The following DRG1 variants were observed in gnomAD, a reference collection of about 807,000 sequenced individuals.
DRG1 encodes the protein developmentally-regulated GTP-binding protein 1.
Under a neutral mutation model 38.8 loss-of-function variants are expected in DRG1, and 19 were observed. The ratio of observed to expected loss-of-function variants is 0.49; its 90% CI spans 0.34 to 0.72. DRG1 has a LOEUF of 0.72. DRG1 is among the 30% of genes least tolerant of loss of function. The pLI is 0.01. For synonymous variants in DRG1, 167 were observed against 157.5 expected (o/e 1.06, Z -0.45); for missense variants, 299 against 444.8 (o/e 0.67, Z 2.95).
chr22:31,403,186 C>T lies in DRG1; in HGVS notation c.324C>T (p.Tyr108=). The change falls in exon 3 of 9, where the codon TAC becomes TAT. Residue 108 remains tyrosine (Y), a synonymous_variant. Coordinates refer to ENST00000331457, the MANE Select transcript of DRG1 (RefSeq NM_004147.4). The part of the protein sequence containing the change: ...TLTTVPGVIR[Y]KGAKIQLLDL... ...CCACTGTGCCTGGTGTCATCAGATA[C>T]AAAGGTGCCAAGATCCAGGTGAGTC... The T allele has an allele frequency of 1.2e-6, 2 of 1,610,166 alleles. No homozygotes were observed. The highest frequency in any genetic ancestry group is 1.7e-6 in the Non-Finnish European group (2 of 1,178,586).
intron 7 of DRG1, 78 bp downstream of exon 7, chr22:31,426,860 T>G (rs2050114107): frequency 6.5e-7 from 1 of 1,540,480 alleles, no homozygotes; most frequent in African/African-American, 1.4e-5. Context: ...TGGAGCTCAT[T>G]AACAAAATCT....
Position 31,427,211 on chromosome 22 carries a change from T to C in DRG1, c.1004+29T>C, listed in dbSNP as rs1415550227. Reference sequence around the variant, plus strand: ...AGTATCATGGGCCTGTGGTCCCTCCTTTTTCCTATGAGTTACCAATTTTAC... The same window carrying C: ...AGTATCATGGGCCTGTGGTCCCTCCCTTTTCCTATGAGTTACCAATTTTAC... On this transcript the variant is annotated intron_variant, in intron 8 of 8. Coordinates refer to ENST00000331457, the MANE Select transcript of DRG1 (RefSeq NM_004147.4). 6 of 1,607,042 alleles carry C rather than the reference T, an allele frequency of 3.7e-6. No homozygotes were observed. In the African/African-American group the frequency reaches 5.4e-5, roughly 14 times the overall value.
intron 3 of DRG1, 33 bp from the exon 4 acceptor site, chr22:31,410,979 T>G: frequency 6.2e-7 from 1 of 1,609,186 alleles, no homozygotes; most frequent in Non-Finnish European, 8.5e-7. Context: ...CAGTTTTTTC[T>G]TTCATCCTCT....
chr22:31,411,744 G>A (rs1010274672), intron 4 of DRG1, among the ~76,000 whole-genome samples: 7 of 151,346 alleles, frequency 4.6e-5, no homozygotes. Flanking sequence ...TACCCAGGCT[G>A]AAGCTCAAGT....
At chr22:31,426,055 A>C (rs1263542128) in intron 6 of DRG1, among the ~76,000 whole-genome samples, 1 of 152,214 alleles carries the variant, frequency 6.6e-6, no homozygotes, top group African/African-American at 2.4e-5. Context: ...CCAATAAATA[A>C]AACACTTATT....
At chr22:31,416,590 A>G (rs1474607231) in intron 4 of DRG1, among the ~76,000 whole-genome samples, 2 of 151,990 alleles carry the variant, frequency 1.3e-5, no homozygotes, top group Non-Finnish European at 2.9e-5. Context: ...CCCCATCTCT[A>G]CTAAAAATAC....
intron 6 of DRG1, among the ~76,000 whole-genome samples, chr22:31,424,488 CTTTTTTT>C (rs398036881): frequency 8.4e-5 from 6 of 71,398 alleles, no homozygotes; most frequent in Admixed American, 4.8e-4. Flanking sequence ...GCTTTGGTTT[CTTTTTTT>C]TTTTTTTTTT....
chr22:31,400,875 G>T, intron 2 of DRG1, 132 bp downstream of exon 2: 1 of 1,071,382 alleles, frequency 9.3e-7, no homozygotes, highest in Non-Finnish European at 1.3e-6. Context: ...CATGCTGGGA[G>T]GCTGAGATAG....
At chr22:31,420,473 G>A in intron 5 of DRG1, 48 bp downstream of exon 5, 1 of 1,610,458 alleles carries the variant, frequency 6.2e-7, no homozygotes, top group Non-Finnish European at 8.5e-7. Context: ...GAATTGGAAT[G>A]GGGAGTGGAT....
intron 4 of DRG1, among the ~76,000 whole-genome samples, chr22:31,417,094 G>A (rs1056054106): frequency 6.6e-6 from 1 of 150,462 alleles, no homozygotes; most frequent in African/African-American, 2.4e-5. Context: ...TAATAAGGCC[G>A]GGCATGGTGG....
At chr22:31,404,772 C>G (rs1229500216) in intron 3 of DRG1, among the ~76,000 whole-genome samples, 1 of 151,866 alleles carries the variant, frequency 6.6e-6, no homozygotes, top group Non-Finnish European at 1.5e-5. Context: ...CAGCCACATG[C>G]CACCACACCC....
At chr22:31,401,217 G>T (rs1456558333) in intron 2 of DRG1, among the ~76,000 whole-genome samples, 3 of 151,372 alleles carry the variant, frequency 2.0e-5, no homozygotes, top group Non-Finnish European at 4.4e-5. Context: ...CCAGGAGTTC[G>T]GAACCAGCAA....
At chr22:31,399,831 C>A in intron 1 of DRG1, 106 bp downstream of exon 1, 11 of 1,535,652 alleles carry the variant, frequency 7.2e-6, no homozygotes, top group Non-Finnish European at 9.0e-6. Context: ...GGCCTAGATT[C>A]CGCGACTTCT....
chr22:31,407,577 C>T (rs552806900), intron 3 of DRG1, among the ~76,000 whole-genome samples: 526 of 152,236 alleles, frequency 3.5e-3, no homozygotes, highest in Non-Finnish European at 5.3e-3. Flanking sequence ...CACAAGCAGT[C>T]TACCTGCCTC....
At chr22:31,410,877 A>C in intron 3 of DRG1, 135 bp from the exon 4 acceptor site, 1 of 827,814 alleles carries the variant, frequency 1.2e-6, no homozygotes, top group Non-Finnish European at 1.9e-6. Context: ...ATATTCACAC[A>C]CTCGCTTATA....
At position 31,403,110 on chromosome 22, in the gene DRG1, A is replaced by G. The variant is rs748938612; in HGVS notation, c.248A>G (p.Asn83Ser). 1.2e-6 allele frequency: 2 copies of G among 1,614,052 alleles called. No individual in the cohort carries two copies. The highest frequency in any genetic ancestry group is 3.3e-5 in the Admixed American group (2 of 59,968). Residue 83 changes from asparagine (N) to serine (S), a missense_variant, in exon 3 of 9, where the codon AAC becomes AGC. Around this residue, in one of 3 missense-constraint regions of DRG1, gnomAD observed 50 missense variants for 120.6 expected, o/e 0.41. Coordinates refer to ENST00000331457, the MANE Select transcript of DRG1 (RefSeq NM_004147.4). The part of the protein sequence containing the change: ...PSVGKSTLLS[N>S]LAGVYSEVAA... The stretch of plus-strand genomic sequence containing the variant: ...GTGGGGAAGTCAACACTGCTTAGTA[A>G]CCTGGCAGGGGTATATTCTGAGGTG...
intron 8 of DRG1, among the ~76,000 whole-genome samples, chr22:31,433,209 T>C (rs1354452911): frequency 6.6e-6 from 1 of 151,902 alleles, no homozygotes; most frequent in Non-Finnish European, 1.5e-5. Context: ...CTATAAGTGA[T>C]ATTGTATCTG....
At chr22:31,399,774 T>C in intron 1 of DRG1, 49 bp downstream of exon 1, 3 of 1,613,514 alleles carry the variant, frequency 1.9e-6, no homozygotes, top group South Asian at 1.1e-5. Flanking sequence ...ATTCCTTCTT[T>C]GGTGGCGTCG....
intron 3 of DRG1, among the ~76,000 whole-genome samples, chr22:31,403,772 C>T (rs1315369782): frequency 2.6e-5 from 4 of 152,046 alleles, no homozygotes; most frequent in African/African-American, 4.8e-5. Flanking sequence ...TGAGCCACCG[C>T]GCCCGGCCCC....
Sources: gnomAD v4.1 joint callset for allele counts (sites outside exome capture counted in the v4.1 genomes callset) on GRCh38, gnomAD v4.1.1 for gene constraint, gnomAD v4.1.1 regional missense constraint, MANE v1.5 for transcripts, NCBI Gene and HGNC (gene_info 2026-07-23, HGNC 2026-07-21) for gene names.